Variants in ULK4 observed in about 807,000 individuals in gnomAD.
ULK4 encodes the protein unc-51 like kinase 4, also known as inactive serine/threonine-protein kinase ULK4.
ULK4 carries 133 observed loss-of-function variants against 160.6 expected under a neutral mutation model. The ratio of observed to expected loss-of-function variants is 0.83; its 90% CI spans 0.72 to 0.96. The LOEUF (loss-of-function observed/expected upper bound fraction) is 0.96. Among genes scored for constraint, ULK4 ranks in the 40% least tolerant of loss-of-function variants. The pLI, the probability that ULK4 is intolerant of heterozygous loss-of-function variation, is 0.00. For synonymous variants in ULK4, 534 were observed against 539.8 expected (o/e 0.99, Z 0.15); for missense variants, 1,580 against 1,499.5 (o/e 1.05, Z -0.89).
intron 34 of ULK4, among the ~76,000 whole-genome samples, chr3:41,449,409 G>C (rs1326826060): frequency 6.6e-6 from 1 of 152,134 alleles, no homozygotes; most frequent in African/African-American, 2.4e-5. Context: ...CAGTGGAAAT[G>C]TCCAGAAGGC....
chr3:41,541,806 C>T (rs980541987), intron 32 of ULK4, among the ~76,000 whole-genome samples: 2 of 151,942 alleles, frequency 1.3e-5, no homozygotes, highest in African/African-American at 2.4e-5. Context: ...AATGGGAGTT[C>T]GCTCATGATT....
chr3:41,870,045 A>G (rs73081359), intron 17 of ULK4, among the ~76,000 whole-genome samples: 3,666 of 152,216 alleles, frequency 0.024, 66 homozygotes, highest in Non-Finnish European at 0.039. Context: ...AATGGCATCT[A>G]TGGTTTCCAA....
At chr3:41,384,353 G>A (rs988544013) in intron 35 of ULK4, among the ~76,000 whole-genome samples, 1 of 151,986 alleles carries the variant, frequency 6.6e-6, no homozygotes, top group Admixed American at 6.6e-5. Context: ...AAGAGACAAG[G>A]AAATAATAAA....
intron 32 of ULK4, among the ~76,000 whole-genome samples, chr3:41,499,101 T>G (rs555513896): frequency 6.6e-6 from 1 of 152,334 alleles, no homozygotes; most frequent in East Asian, 1.9e-4. Context: ...ATTCCACTTA[T>G]ATGAAATGTC....
chr3:41,827,918 A>G (rs926115724), intron 18 of ULK4, among the ~76,000 whole-genome samples: 9 of 152,144 alleles, frequency 5.9e-5, no homozygotes, highest in African/African-American at 1.9e-4. Flanking sequence ...CGGGCAAACC[A>G]AATCCAGCAG....
intron 32 of ULK4, among the ~76,000 whole-genome samples, chr3:41,509,499 G>T (rs911757771): frequency 6.6e-6 from 1 of 152,152 alleles, no homozygotes; most frequent in Non-Finnish European, 1.5e-5. Context: ...ATCACAGGAA[G>T]ATCATCACCT....
chr3:41,642,211 T>G (rs1171241674), intron 30 of ULK4, among the ~76,000 whole-genome samples: 1 of 152,090 alleles, frequency 6.6e-6, no homozygotes, highest in Non-Finnish European at 1.5e-5. Context: ...TTTAATACTT[T>G]AAGTTTTAGG....
chr3:41,522,420 G>A (rs777670495), intron 32 of ULK4, among the ~76,000 whole-genome samples: 9 of 152,048 alleles, frequency 5.9e-5, no homozygotes, highest in South Asian at 2.1e-4. Context: ...GATTTCAGGC[G>A]TGAGCCACCA....
chr3:41,408,207 T>G, intron 34 of ULK4, among the ~76,000 whole-genome samples: 1 of 151,612 alleles, frequency 6.6e-6, no homozygotes, highest in East Asian at 1.9e-4. Flanking sequence ...GGTGGGCGGA[T>G]CACGAGGTCA....
chr3:41,916,495 CCT>C (rs1167784854), intron 7 of ULK4, among the ~76,000 whole-genome samples: 1 of 151,910 alleles, frequency 6.6e-6, no homozygotes, highest in Non-Finnish European at 1.5e-5. Context: ...CTCAAGTGAT[CCT>C]CTCACCCCAG....
chr3:41,685,344 C>T (rs1035496260), intron 27 of ULK4, among the ~76,000 whole-genome samples: 2 of 152,256 alleles, frequency 1.3e-5, no homozygotes, highest in East Asian at 3.9e-4. Context: ...AGCAATGGGG[C>T]TTGGCTTCAG....
At chr3:41,666,168 GT>G (rs2035345384) in intron 29 of ULK4, among the ~76,000 whole-genome samples, 1 of 152,194 alleles carries the variant, frequency 6.6e-6, no homozygotes, top group Non-Finnish European at 1.5e-5. Flanking sequence ...GGTTGGTCAT[GT>G]AGGCATGGAC....
chr3:41,453,465 C>G (rs184349075), intron 34 of ULK4, among the ~76,000 whole-genome samples: 8 of 152,334 alleles, frequency 5.3e-5, no homozygotes, highest in Admixed American at 3.9e-4. Flanking sequence ...GCATGAGCCA[C>G]CACACCTGGC....
chr3:41,946,578 T>G (rs909183697), intron 2 of ULK4, among the ~76,000 whole-genome samples: 1 of 152,198 alleles, frequency 6.6e-6, no homozygotes, highest in Non-Finnish European at 1.5e-5. Context: ...CTTATTCTCT[T>G]GGAATCCAGT....
chr3:41,880,910 G>A (rs957749640), intron 17 of ULK4, among the ~76,000 whole-genome samples: 25 of 151,872 alleles, frequency 1.6e-4, no homozygotes, highest in Middle Eastern at 6.8e-3. Context: ...GCAACAGAGC[G>A]AGACTCTATC....
At chr3:41,833,962 C>A (rs1001986147) in intron 18 of ULK4, among the ~76,000 whole-genome samples, 1 of 151,850 alleles carries the variant, frequency 6.6e-6, no homozygotes, top group African/African-American at 2.4e-5. Flanking sequence ...CTACCTGTTG[C>A]CTAAAATGAT....
chr3:41,518,024 G>A (rs888355313), intron 32 of ULK4, among the ~76,000 whole-genome samples: 1 of 152,158 alleles, frequency 6.6e-6, no homozygotes, highest in South Asian at 2.1e-4. Flanking sequence ...CGTGTCTAAC[G>A]GGAAAGGAAA....
intron 31 of ULK4, among the ~76,000 whole-genome samples, chr3:41,592,810 C>G (rs1454082973): frequency 6.6e-6 from 1 of 152,158 alleles, no homozygotes; most frequent in Admixed American, 6.5e-5. Context: ...AGTATCTTAT[C>G]TATGCCTTGG....
rs1339027286 is a variant in ULK4, at chr3:41,859,405, A to AAG, written c.1657-23436_1657-23435dup. The AAG allele has an allele frequency of 5.3e-6, 3 of 563,520 alleles. No homozygotes were observed. The African/African-American group carries it at 5.7e-5, about 11-fold the overall frequency. The allele number at this position is 563,520 out of a possible 1,614,324, so 34.9% of individuals were successfully genotyped here. ...GGCTTCATTTGTCAACTGTGGTCCA[A>AAG]AGAGAGGGTTGAGTTGGGCCAGAAT... On this transcript the variant is annotated intron_variant, in intron 17 of 36. Transcript: ENST00000301831.
Sources: gnomAD v4.1 joint callset for allele counts (sites outside exome capture counted in the v4.1 genomes callset) on GRCh38, gnomAD v4.1.1 for gene constraint, MANE v1.5 for transcripts, NCBI Gene and HGNC (gene_info 2026-07-23, HGNC 2026-07-21) for gene names.